The following IQUB variants were observed in gnomAD, a reference collection of about 807,000 sequenced individuals.
IQUB encodes the protein IQ motif and ubiquitin domain containing.
A neutral mutation model predicts 86.4 loss-of-function variants in IQUB; 86 were observed. The observed-to-expected ratio is 1.00, with a 90% confidence interval of 0.84 to 1.19. The LOEUF (loss-of-function observed/expected upper bound fraction) is 1.19. IQUB is among the 50% of genes most tolerant of loss of function. The probability of loss-of-function intolerance (pLI) is 0.00; values close to 1 mark genes in which losing one functional copy is unlikely to be tolerated. For synonymous variants in IQUB, 289 were observed against 304.5 expected, an observed-to-expected ratio of 0.95 and a Z score of 0.53; for missense variants, 946 against 916.9, an observed-to-expected ratio of 1.03 and a Z score of -0.41.
chr7:123,502,775 T>C, intron 5 of IQUB, 23 bp from the exon 6 acceptor site: 1 of 1,545,160 alleles, frequency 6.5e-7, no homozygotes, highest in East Asian at 2.3e-5. Context: ...ATTAAAAATT[T>C]AAATCAGTAT....
Position 123,496,886 on chromosome 7 carries a change from G to T in IQUB, c.1044C>A (p.Tyr348Ter), listed in dbSNP as rs1350603033. The change falls in exon 7 of 13, where the codon TAC (tyrosine) becomes TAA (stop). Residue 348 changes from tyrosine to a stop codon, truncating the protein, a stop_gained. Coordinates refer to ENST00000324698, the MANE Select transcript of IQUB (RefSeq NM_178827.5). LOFTEE classifies it high-confidence loss of function. ...RLKAVIVIQTYYRQWHAKIFV... is the reference protein window; with the variant it reads ...RLKAVIVIQT ...AGATTTTAGCATGCCATTGCCTGTA[G>T]TAAGTCTGTATCACTATCACCTATA... The T allele has an allele frequency of 6.2e-7, 1 of 1,610,160 alleles. No homozygotes were observed.
intron 7 of IQUB, among the ~76,000 whole-genome samples, chr7:123,482,593 A>G (rs948190306): frequency 6.6e-6 from 1 of 152,070 alleles, no homozygotes; most frequent in Admixed American, 6.6e-5. Flanking sequence ...CAATATTAAG[A>G]AAAAAACACT....
chr7:123,472,762 CT>C (rs1444005910), intron 8 of IQUB, among the ~76,000 whole-genome samples: 4 of 152,310 alleles, frequency 2.6e-5, no homozygotes, highest in East Asian at 3.9e-4. Context: ...CAAGCCTAGG[CT>C]TTTTTGATTT....
chr7:123,532,553 T>C (rs1012009587), intron 1 of IQUB: 1 of 151,740 alleles, frequency 6.6e-6, no homozygotes, highest in Non-Finnish European at 1.5e-5. Flanking sequence ...ACACAGACCT[T>C]TGGGTAACTT....
intron 7 of IQUB, among the ~76,000 whole-genome samples, chr7:123,488,260 G>A (rs924461276): frequency 1.3e-5 from 2 of 150,334 alleles, no homozygotes; most frequent in Non-Finnish European, 2.9e-5. Flanking sequence ...AGAATGGTGT[G>A]AACCCAGGAG....
chr7:123,461,672 C>A, intron 10 of IQUB, 67 bp from the exon 11 acceptor site: 1 of 1,330,350 alleles, frequency 7.5e-7, no homozygotes, highest in Admixed American at 3.0e-5. Flanking sequence ...ATGATCCTAA[C>A]CAATGGAAGC....
intron 3 of IQUB, among the ~76,000 whole-genome samples, chr7:123,508,524 CAT>C (rs1796287912): frequency 6.6e-6 from 1 of 152,174 alleles, no homozygotes; most frequent in South Asian, 2.1e-4. Flanking sequence ...GGATGCCTGG[CAT>C]AGAGTCAAGC....
intron 6 of IQUB, 84 bp downstream of exon 6, chr7:123,502,513 G>A: frequency 8.4e-7 from 1 of 1,193,306 alleles, no homozygotes; most frequent in Non-Finnish European, 1.2e-6. Context: ...TCAAGCAAAT[G>A]TGGCTTGGAG....
At chr7:123,476,489 T>G (rs1038460668) in intron 8 of IQUB, among the ~76,000 whole-genome samples, 28 of 151,866 alleles carry the variant, frequency 1.8e-4, no homozygotes, top group African/African-American at 6.5e-4. Context: ...GTGAGATAAG[T>G]GAGGTTTGCA....
Position 123,496,769 on chromosome 7 carries a change from T to C in IQUB, c.1161A>G (p.Ile387Met). 6.2e-7 allele frequency: 1 copy of C among 1,612,034 alleles called. No homozygotes were observed. Among genetic ancestry groups the C allele is most frequent in the Non-Finnish European group, 8.5e-7 (1 of 1,178,610 alleles). ...TATGCCTCCGGTGATAGTCCAATTT[T>C]ATCCATTCTTCTTTTTCTCTTATCT... ...LRKIREKEEW[I>M]KLDYHRRHNP... The change falls in exon 7 of 13, where the codon ATA becomes ATG. Residue 387 changes from isoleucine to methionine, a missense_variant. By Grantham distance (10) the Ile-to-Met change is conservative. Coordinates refer to ENST00000324698, the MANE Select transcript of IQUB (RefSeq NM_178827.5).
chr7:123,455,846 C>T (rs1023756033), intron 12 of IQUB, among the ~76,000 whole-genome samples: 2 of 152,088 alleles, frequency 1.3e-5, no homozygotes, highest in African/African-American at 4.8e-5. Flanking sequence ...CATGATTGTT[C>T]CTACTTTGGC....
At chr7:123,492,769 A>T (rs1426143663) in intron 7 of IQUB, among the ~76,000 whole-genome samples, 1 of 152,048 alleles carries the variant, frequency 6.6e-6, no homozygotes, top group African/African-American at 2.4e-5. Flanking sequence ...AGATGATTCA[A>T]ACTCACCATC....
chr7:123,470,433 T>C (rs1478632141), intron 8 of IQUB, among the ~76,000 whole-genome samples: 1 of 152,224 alleles, frequency 6.6e-6, no homozygotes, highest in Non-Finnish European at 1.5e-5. Flanking sequence ...ATTTACACCA[T>C]ACTTGCAAAC....
intron 1 of IQUB, among the ~76,000 whole-genome samples, chr7:123,519,666 T>A (rs915574478): frequency 3.3e-5 from 5 of 152,048 alleles, no homozygotes; most frequent in African/African-American, 9.7e-5. Context: ...GGAGGAAGGA[T>A]GAAGTAAGGT....
intron 1 of IQUB, among the ~76,000 whole-genome samples, chr7:123,518,342 T>G (rs1366698461): frequency 2.0e-5 from 3 of 152,136 alleles, no homozygotes; most frequent in Admixed American, 2.0e-4. Context: ...AAAAATCCAT[T>G]ATTCTCACAG....
rs200888497 is a variant in IQUB, at chr7:123,466,222, TAA to T, written c.1582-1215_1582-1214del. On this transcript the variant is annotated intron_variant, in intron 9 of 12. Transcript: ENST00000324698. ...ATAGAGTCAGAATTTGAGTTGTACTTAAAGACTTTAATCCTCCATCAAAATAT... is the reference window on the plus strand; with the variant it reads ...ATAGAGTCAGAATTTGAGTTGTACTTAGACTTTAATCCTCCATCAAAATAT... 9.8e-3 allele frequency among the ~76,000 whole-genome samples: 1,490 copies of T among 152,218 alleles called. 5 individuals carry two copies. Among genetic ancestry groups the T allele is most frequent in the Admixed American group, 0.017 (258 of 15,264 alleles).
chr7:123,495,555 T>C (rs1795670757), intron 7 of IQUB, among the ~76,000 whole-genome samples: 1 of 152,144 alleles, frequency 6.6e-6, no homozygotes, highest in South Asian at 2.1e-4. Flanking sequence ...GTCAAAAATT[T>C]ATTTCCTTGG....
intron 1 of IQUB, among the ~76,000 whole-genome samples, chr7:123,526,922 G>T (rs1410948238): frequency 1.3e-5 from 2 of 152,034 alleles, no homozygotes; most frequent in African/African-American, 2.4e-5. Context: ...GCATTTGCTT[G>T]TCTGTAAAGT....
intron 12 of IQUB, among the ~76,000 whole-genome samples, chr7:123,454,171 CTT>C: frequency 6.6e-6 from 1 of 152,136 alleles, no homozygotes; most frequent in South Asian, 2.1e-4. Context: ...GCTAATCTAA[CTT>C]TGTTTCTACC....
Sources: allele counts gnomAD v4.1 joint callset (sites outside exome capture counted in the v4.1 genomes callset), GRCh38; gene constraint gnomAD v4.1.1; transcripts MANE v1.5; gene names NCBI Gene and HGNC (gene_info 2026-07-23, HGNC 2026-07-21).